ST6GALNAC3: variants seen among roughly 807,000 people sequenced by gnomAD.
ST6GALNAC3 encodes the protein ST6 N-acetylgalactosaminide alpha-2,6-sialyltransferase 3.
ST6GALNAC3 carries 25 observed loss-of-function variants against 32.7 expected under a neutral mutation model. The observed-to-expected ratio is 0.76, with a 90% CI of 0.56 to 1.07. The LOEUF (loss-of-function observed/expected upper bound fraction) is 1.07, where lower values mean the gene tolerates loss of function less well. Among genes scored for constraint, ST6GALNAC3 ranks in the 50% least tolerant of loss-of-function variants. The pLI, the probability that ST6GALNAC3 is intolerant of heterozygous loss-of-function variation, is 0.00. For missense variants in ST6GALNAC3, 355 were observed against 382.4 expected, an observed-to-expected ratio of 0.93 and a Z score of 0.60; for synonymous variants, 129 against 133.1, an observed-to-expected ratio of 0.97 and a Z score of 0.21.
chr1:76,620,554 G>A (rs545813156), intron 3 of ST6GALNAC3, among the ~76,000 whole-genome samples: 1 of 152,120 alleles, frequency 6.6e-6, no homozygotes, highest in South Asian at 2.1e-4. Flanking sequence ...CTTGTAGATG[G>A]CTGCCCTCTG....
At chr1:76,371,676 AT>A (rs1302610436) in intron 2 of ST6GALNAC3, among the ~76,000 whole-genome samples, 2 of 152,176 alleles carry the variant, frequency 1.3e-5, no homozygotes, top group Admixed American at 6.5e-5. Flanking sequence ...CCCCTATATT[AT>A]AACTTTTGAA....
At position 76,248,117 on chromosome 1, in the gene ST6GALNAC3, T is replaced by C. The variant is rs548423890; in HGVS notation, c.19-65688T>C. ...GTGAAGTGAAGCCCCACCCTGCTTC[T>C]GCTCACTCTCTGTGGGTTGCACCCA... On this transcript the variant is annotated intron_variant, in intron 1 of 4. Transcript: ENST00000328299. Among the ~76,000 whole-genome samples, 35 of 152,236 alleles carry C rather than the reference T, an allele frequency of 2.3e-4. 1 individual carries two copies. Among genetic ancestry groups the C allele is most frequent in the African/African-American group, 6.7e-4 (28 of 41,552 alleles).
At chr1:76,277,492 C>T (rs1009174907) in intron 1 of ST6GALNAC3, among the ~76,000 whole-genome samples, 2 of 146,432 alleles carry the variant, frequency 1.4e-5, no homozygotes, top group African/African-American at 2.5e-5. Context: ...TCCTTCATAA[C>T]AGGTCAATTA....
chr1:76,553,114 AC>A (rs1256754155), intron 3 of ST6GALNAC3, among the ~76,000 whole-genome samples: 1 of 152,244 alleles, frequency 6.6e-6, no homozygotes, highest in African/African-American at 2.4e-5. Flanking sequence ...TCAAAGAAAT[AC>A]TTGGGTCTTT....
rs1197103745 is a variant in ST6GALNAC3, at chr1:76,257,791, G to A, written c.19-56014G>A. 2.0e-5 allele frequency among the ~76,000 whole-genome samples: 3 copies of A among 152,170 alleles called. No individual in the cohort carries two copies. In the East Asian group the frequency reaches 5.8e-4, roughly 29 times the overall value. On this transcript the variant is annotated intron_variant, in intron 1 of 4. Coordinates refer to ENST00000328299, the MANE Select transcript of ST6GALNAC3 (RefSeq NM_152996.4). ...AGACTGACAAGTTATTCTGCCGAAT[G>A]ATACTGGAAAAAAGAATAGGATAGA...
In ST6GALNAC3 at chr1:76,320,961, T is replaced by C. The variant is rs542865858; in HGVS notation, c.213+6962T>C. The stretch of plus-strand genomic sequence containing the variant: ...TGTAAATGGTGTAAAATGGTATATA[T>C]ATACACACACACACACACACACATT... On this transcript the variant is annotated intron_variant, in intron 2 of 4. Transcript: ENST00000328299. Among the ~76,000 whole-genome samples the C allele has an allele frequency of 3.9e-3, 589 of 149,698 alleles. 5 individuals carry two copies. The highest frequency in any genetic ancestry group is 0.011 in the African/African-American group (446 of 40,174).
chr1:76,434,794 T>G (rs1385473003), intron 3 of ST6GALNAC3, among the ~76,000 whole-genome samples: 1 of 141,914 alleles, frequency 7.0e-6, no homozygotes, highest in African/African-American at 2.6e-5. Context: ...GTTTTTTTTT[T>G]TTTTTTTTTT....
At chr1:76,141,126 A>T (rs1290073118) in intron 1 of ST6GALNAC3, among the ~76,000 whole-genome samples, 2 of 152,108 alleles carry the variant, frequency 1.3e-5, no homozygotes, top group Non-Finnish European at 2.9e-5. Context: ...CTGAGCTGGC[A>T]CCAGCATGCT....
chr1:76,528,137 C>T (rs1419126911), intron 3 of ST6GALNAC3, among the ~76,000 whole-genome samples: 1 of 152,112 alleles, frequency 6.6e-6, no homozygotes, highest in Non-Finnish European at 1.5e-5. Flanking sequence ...ACAATAGCCT[C>T]AATATCATGC....
At chr1:76,341,777 G>A (rs775763293) in intron 2 of ST6GALNAC3, among the ~76,000 whole-genome samples, 5 of 150,416 alleles carry the variant, frequency 3.3e-5, no homozygotes, top group Admixed American at 6.6e-5. Flanking sequence ...TGTTACATAG[G>A]TATACATGGG....
intron 1 of ST6GALNAC3, among the ~76,000 whole-genome samples, chr1:76,133,766 C>A (rs542820050): frequency 6.6e-6 from 1 of 152,322 alleles, no homozygotes; most frequent in Non-Finnish European, 1.5e-5. Context: ...ATATTGTTGA[C>A]TTCCAGGAGG....
At position 76,217,074 on chromosome 1, in the gene ST6GALNAC3, A is replaced by G. The variant is rs147844694; in HGVS notation, c.19-96731A>G. Among the ~76,000 whole-genome samples, 111 of 152,354 alleles carry G rather than the reference A, an allele frequency of 7.3e-4. 2 individuals are homozygous for G. In the East Asian group the frequency reaches 0.019, roughly 26 times the overall value. ...TTTAATTTCATACATGATTAAATCCATCAATTCAAAGGTCTTTTAAGATGT... is the reference window on the plus strand; with the variant it reads ...TTTAATTTCATACATGATTAAATCCGTCAATTCAAAGGTCTTTTAAGATGT... On this transcript the variant is annotated intron_variant, in intron 1 of 4. Coordinates refer to ENST00000328299, the MANE Select transcript of ST6GALNAC3 (RefSeq NM_152996.4).
At chr1:76,615,852 T>A (rs1314638249) in intron 3 of ST6GALNAC3, among the ~76,000 whole-genome samples, 2 of 152,208 alleles carry the variant, frequency 1.3e-5, no homozygotes, top group Non-Finnish European at 2.9e-5. Context: ...TCCAGAGACA[T>A]GTGAAAGTTA....
At chr1:76,091,710 AC>A (rs1336592593) in intron 1 of ST6GALNAC3, among the ~76,000 whole-genome samples, 1 of 152,218 alleles carries the variant, frequency 6.6e-6, no homozygotes. Flanking sequence ...CAGTTATTAT[AC>A]CTATAGTATA....
chr1:76,260,692 T>G (rs1658180163), intron 1 of ST6GALNAC3, among the ~76,000 whole-genome samples: 1 of 152,122 alleles, frequency 6.6e-6, no homozygotes, highest in African/African-American at 2.4e-5. Context: ...AGGGTCCAGT[T>G]TCTACTGAAA....
chr1:76,537,710 C>T (rs957501043), intron 3 of ST6GALNAC3, among the ~76,000 whole-genome samples: 3 of 152,086 alleles, frequency 2.0e-5, no homozygotes, highest in East Asian at 1.9e-4. Flanking sequence ...CACAGAAATG[C>T]AAACTACCAT....
chr1:76,616,570 A>G (rs867836784), intron 3 of ST6GALNAC3, among the ~76,000 whole-genome samples: 1 of 152,154 alleles, frequency 6.6e-6, no homozygotes, highest in African/African-American at 2.4e-5. Flanking sequence ...TATTTGGCAA[A>G]GGTATTATTC....
chr1:76,132,357 G>A (rs764319725), intron 1 of ST6GALNAC3, among the ~76,000 whole-genome samples: 11 of 152,196 alleles, frequency 7.2e-5, no homozygotes, highest in Admixed American at 5.9e-4. Context: ...TGGGGAGGAG[G>A]GGGGAGTATC....
intron 3 of ST6GALNAC3, among the ~76,000 whole-genome samples, chr1:76,442,044 G>C (rs1339568912): frequency 6.6e-6 from 1 of 152,242 alleles, no homozygotes; most frequent in Non-Finnish European, 1.5e-5. Context: ...CATGGGGCAA[G>C]TAGTGCAACT....
Sources: allele counts gnomAD v4.1 joint callset (sites outside exome capture counted in the v4.1 genomes callset), GRCh38; gene constraint gnomAD v4.1.1; transcripts MANE v1.5; gene names NCBI Gene and HGNC (gene_info 2026-07-23, HGNC 2026-07-21).